The following MTRF1 variants were observed in gnomAD, a reference collection of about 807,000 sequenced individuals.
The protein encoded by MTRF1 is mitochondrial translation release factor 1.
Under a neutral mutation model 62.9 loss-of-function variants are expected in MTRF1, and 51 were observed. The ratio of observed to expected loss-of-function variants is 0.81; its 90% confidence interval spans 0.65 to 1.02. The LOEUF is 1.02. Ranked by LOEUF, MTRF1 falls within the 50% of genes least tolerant of loss-of-function variation. The probability of loss-of-function intolerance (pLI) is 0.00; values close to 1 mark genes in which losing one functional copy is unlikely to be tolerated. For synonymous variants in MTRF1, 158 were observed against 181.9 expected, an observed-to-expected ratio of 0.87 and a Z score of 1.06; for missense variants, 446 against 530.0, an observed-to-expected ratio of 0.84 and a Z score of 1.56.
intron 5 of MTRF1, among the ~76,000 whole-genome samples, chr13:41,244,362 A>C (rs2037951232): frequency 6.6e-6 from 1 of 152,190 alleles, no homozygotes; most frequent in Non-Finnish European, 1.5e-5. Flanking sequence ...TTGTAAGTCC[A>C]AACATTTTAT....
At chr13:41,273,613 G>A in the MTRF1 span, among the ~76,000 whole-genome samples, 2 of 151,988 alleles carry the variant, frequency 1.3e-5, no homozygotes, top group African/African-American at 2.4e-5. Flanking sequence ...TGAGGCAGGT[G>A]GATCACCTGA....
intron 5 of MTRF1, among the ~76,000 whole-genome samples, chr13:41,243,979 TAACA>T (rs1222805919): frequency 6.6e-6 from 1 of 152,230 alleles, no homozygotes; most frequent in African/African-American, 2.4e-5. Context: ...AGTCCTTATG[TAACA>T]AATTTATTCC....
the MTRF1 span, among the ~76,000 whole-genome samples, chr13:41,287,021 G>T: frequency 6.6e-6 from 1 of 152,182 alleles, no homozygotes; most frequent in Non-Finnish European, 1.5e-5. Flanking sequence ...TCTTTAAATA[G>T]TTTAATGCTT....
chr13:41,260,913 C>A lies in MTRF1; in HGVS notation c.-6G>T. The stretch of plus-strand genomic sequence containing the variant: ...ACACACAGGTGACGATTCATCTCAG[C>A]ATCTGAAATACAATAAACACAGTCT... On this transcript the variant is annotated splice_region_variant and 5_prime_UTR_variant, in exon 2 of 10. It removes an upstream start codon present in the reference 5' UTR. Coordinates refer to ENST00000379480, the MANE Select transcript of MTRF1 (RefSeq NM_004294.4). The A allele has an allele frequency of 6.3e-7, 1 of 1,584,502 alleles. No individual in the cohort carries two copies. Among genetic ancestry groups the A allele is most frequent in the Non-Finnish European group, 8.6e-7 (1 of 1,165,274 alleles).
At chr13:41,291,415 C>T in the MTRF1 span, among the ~76,000 whole-genome samples, 16 of 151,858 alleles carry the variant, frequency 1.1e-4, no homozygotes, top group Admixed American at 7.9e-4. Context: ...CAGGCTCAAG[C>T]GATCTACCCG....
the MTRF1 span, chr13:41,311,386 A>T: frequency 1.1e-5 from 8 of 740,640 alleles, no homozygotes; most frequent in Non-Finnish European, 1.3e-5. Context: ...CAGGCTGCCC[A>T]ATTGCAACTG....
intron 9 of MTRF1, among the ~76,000 whole-genome samples, 154 bp from the exon 10 acceptor site, chr13:41,217,382 G>C (rs1246649928): frequency 1.3e-5 from 2 of 152,138 alleles, no homozygotes; most frequent in Admixed American, 6.5e-5. Context: ...GCTAACTTGG[G>C]AAGATCCCCA....
intron 7 of MTRF1, among the ~76,000 whole-genome samples, chr13:41,228,318 G>A (rs977736265): frequency 3.3e-5 from 5 of 152,188 alleles, no homozygotes; most frequent in African/African-American, 1.2e-4. Context: ...GGCAACCCCA[G>A]CACTTTGGGA....
intron 5 of MTRF1, among the ~76,000 whole-genome samples, chr13:41,243,203 A>G (rs2037767499): frequency 6.6e-6 from 1 of 152,092 alleles, no homozygotes; most frequent in Admixed American, 6.6e-5. Context: ...TGGATGACAG[A>G]GCAAGACTCC....
In MTRF1 at chr13:41,260,615, A is replaced by G. The variant is rs957753820; in HGVS notation, c.293T>C (p.Val98Ala). 7 of 1,613,972 alleles carry G rather than the reference A, an allele frequency of 4.3e-6. No individual in the cohort carries two copies. The highest frequency in any genetic ancestry group is 1.3e-5 in the African/African-American group (1 of 74,904). The change falls in exon 2 of 10, where the codon GTG becomes GCG. Residue 98 changes from valine (V) to alanine (A), a missense_variant. By Grantham distance (64) the Val-to-Ala change is moderately conservative (BLOSUM62 0). Transcript: ENST00000379480. ...CAAGGACCTTCGGTTTTCCTCATTCACAGGGATATGCTGCAGACATTGCTC... is the reference window on the plus strand; with the variant it reads ...CAAGGACCTTCGGTTTTCCTCATTCGCAGGGATATGCTGCAGACATTGCTC... Reference protein sequence around the residue: ...TLEQCLQHIPVNEENRRSLNR... With the variant: ...TLEQCLQHIPANEENRRSLNR...
chr13:41,270,886 C>A, the MTRF1 span, among the ~76,000 whole-genome samples: 2 of 151,916 alleles, frequency 1.3e-5, no homozygotes, highest in Non-Finnish European at 2.9e-5. Flanking sequence ...TACAGGCATG[C>A]GCCACCATGC....
At position 41,260,538 on chromosome 13, in the gene MTRF1, G is replaced by T. The variant is rs780005546; in HGVS notation, c.370C>A (p.Gln124Lys). The T allele has an allele frequency of 1.5e-5, 24 of 1,613,842 alleles. No homozygotes were observed. The highest frequency in any genetic ancestry group is 2.0e-5 in the Non-Finnish European group (24 of 1,179,956). Residue 124 changes from glutamine to lysine, a missense_variant, in exon 2 of 10, where the codon CAG becomes AAG. By Grantham distance (53) the Gln-to-Lys change is moderately conservative. Transcript: ENST00000379480. ...APLAAIYQEI[Q>K]ETEQAIEELE... Reference sequence around the variant, plus strand: ...TCTTCAATTGCTTGTTCAGTCTCCTGAATTTCTTGGTAAATGGCTGCAAGA... The same window carrying T: ...TCTTCAATTGCTTGTTCAGTCTCCTTAATTTCTTGGTAAATGGCTGCAAGA...
In MTRF1 at chr13:41,245,153, T is replaced by C. The variant is rs543291766; in HGVS notation, c.698-4720A>G. On this transcript the variant is annotated intron_variant, in intron 5 of 9. Transcript: ENST00000379480. ...TCATATGTTCCTTCTGATTTATTCA[T>C]TTCTAAAATGATTTTTCTTTGCTTT... is the stretch of plus-strand genomic sequence containing the variant. Among the ~76,000 whole-genome samples, 4 of 152,360 alleles carry C rather than the reference T, an allele frequency of 2.6e-5. No individual in the cohort carries two copies. The South Asian group carries it at 8.3e-4, about 32-fold the overall frequency.
intron 7 of MTRF1, chr13:41,229,384 TC>T (rs1200007865): frequency 6.6e-6 from 1 of 151,046 alleles, no homozygotes; most frequent in Non-Finnish European, 1.5e-5. Flanking sequence ...AATAAATAAA[TC>T]TATATTAACC....
chr13:41,309,632 C>T, the MTRF1 span, among the ~76,000 whole-genome samples: 131 of 151,910 alleles, frequency 8.6e-4, no homozygotes, highest in Admixed American at 1.9e-3. Context: ...ATGTGTGAAA[C>T]GTAGGAGATT....
rs2031967513 is a variant in MTRF1 at position 41,216,570 on chromosome 13, T to C, written c.*545A>G. 1 of 152,054 alleles carries C rather than the reference T, an allele frequency of 6.6e-6. No individual in the cohort carries two copies. The highest frequency in any genetic ancestry group is 2.4e-5 in the African/African-American group (1 of 41,406). The allele number at this position is 152,054 out of a possible 1,614,324, so 9.4% of individuals were successfully genotyped here. A position where few individuals can be genotyped will look rare whatever the true frequency, so the allele number is the denominator to read the frequency against. On this transcript the variant is annotated 3_prime_UTR_variant, in exon 10 of 10. Transcript: ENST00000379480. ...TTTCTTTATGTTTTGAGTTTTTTTGTAGACATGGGGTCTATTTTGCCCAGG... is the reference window on the plus strand; with the variant it reads ...TTTCTTTATGTTTTGAGTTTTTTTGCAGACATGGGGTCTATTTTGCCCAGG...
At chr13:41,236,989 A>G (rs1290855938) in intron 6 of MTRF1, among the ~76,000 whole-genome samples, 1 of 152,144 alleles carries the variant, frequency 6.6e-6, no homozygotes, top group Admixed American at 6.6e-5. Context: ...TGGCCAAGGC[A>G]GGCAGATCAC....
At chr13:41,296,912 A>C in the MTRF1 span, among the ~76,000 whole-genome samples, 1 of 152,186 alleles carries the variant, frequency 6.6e-6, no homozygotes, top group Admixed American at 6.5e-5. Context: ...AATCATGGCT[A>C]TTCTAAGTTT....
At chr13:41,219,346 A>G (rs2032708233) in intron 9 of MTRF1, among the ~76,000 whole-genome samples, 2 of 152,256 alleles carry the variant, frequency 1.3e-5, no homozygotes, top group African/African-American at 4.8e-5. Flanking sequence ...TTGCCAAGGT[A>G]ATCATCTTTG....
Sources: allele counts gnomAD v4.1 joint callset (sites outside exome capture counted in the v4.1 genomes callset), GRCh38; gene constraint gnomAD v4.1.1; transcripts MANE v1.5; gene names NCBI Gene and HGNC (gene_info 2026-07-23, HGNC 2026-07-21).